PARD3B: variants seen among roughly 807,000 people sequenced by gnomAD.
The protein encoded by PARD3B is partitioning defective 3 homolog B.
In PARD3B, 103 loss-of-function variants were observed where a neutral mutation model predicts 130.2. The ratio of observed to expected loss-of-function variants is 0.79; its 90% CI spans 0.67 to 0.93. The LOEUF is 0.93. Among genes scored for constraint, PARD3B ranks in the 40% least tolerant of loss-of-function variants. The probability of loss-of-function intolerance (pLI) is 0.00; values close to 1 mark genes in which losing one functional copy is unlikely to be tolerated. For missense variants in PARD3B, 1,609 were observed against 1,499.2 expected, an observed-to-expected ratio of 1.07 and a Z score of -1.21; for synonymous variants, 583 against 553.2, an observed-to-expected ratio of 1.05 and a Z score of -0.76.
chr2:205,347,659 C>T (rs1305714155), intron 18 of PARD3B: 2 of 152,074 alleles, frequency 1.3e-5, no homozygotes, highest in African/African-American at 4.8e-5. Context: ...ATTTTTTTGT[C>T]AAATTTAGAA....
At chr2:205,093,916 C>T (rs1039952824) in intron 4 of PARD3B, among the ~76,000 whole-genome samples, 2 of 152,124 alleles carry the variant, frequency 1.3e-5, no homozygotes, top group Non-Finnish European at 1.5e-5. Flanking sequence ...ACAAACAAAC[C>T]TTTTGCTGAC....
intron 21 of PARD3B, among the ~76,000 whole-genome samples, chr2:205,507,641 C>T (rs1362830172): frequency 6.6e-6 from 1 of 152,108 alleles, no homozygotes; most frequent in Non-Finnish European, 1.5e-5. Context: ...AATCAAGGTG[C>T]TGTTAACAGG....
intron 12 of PARD3B, among the ~76,000 whole-genome samples, chr2:205,174,706 G>C (rs188443866): frequency 1.4e-3 from 219 of 152,212 alleles, no homozygotes; most frequent in African/African-American, 3.7e-3. Context: ...ATACCAAAAT[G>C]GTTGCTTGAA....
At position 205,342,840 on chromosome 2, in the gene PARD3B, A is replaced by G. The variant is rs565249824; in HGVS notation, c.2630+41139A>G. Among the ~76,000 whole-genome samples the G allele has an allele frequency of 3.2e-3, 486 of 152,266 alleles. 1 individual carries two copies. Among genetic ancestry groups the G allele is most frequent in the African/African-American group, 0.011 (467 of 41,548 alleles). ...CTCATCACCATGCATCTTTGATTTT[A>G]TAATGTAAGTCAGTGAGAAAACAAG... On this transcript the variant is annotated intron_variant, in intron 18 of 22. Coordinates refer to ENST00000406610, the MANE Select transcript of PARD3B (RefSeq NM_001302769.2).
rs2036444245 is a variant in PARD3B at position 205,192,385 on chromosome 2, T to C, written c.2025-820T>C. ...GCAATTATAATGAGATGAGCCACCATATTTACTTTCCAAACAGATGAGAGT... is the reference window on the plus strand; with the variant it reads ...GCAATTATAATGAGATGAGCCACCACATTTACTTTCCAAACAGATGAGAGT... On this transcript the variant is annotated intron_variant, in intron 14 of 22. Transcript: ENST00000406610. Among the ~76,000 whole-genome samples the C allele has an allele frequency of 1.3e-5, 2 of 152,186 alleles. 1 individual carries two copies. Among genetic ancestry groups the C allele is most frequent in the South Asian group, 4.1e-4 (2 of 4,830 alleles).
intron 2 of PARD3B, among the ~76,000 whole-genome samples, chr2:204,914,160 C>T (rs375587964): frequency 3.3e-5 from 5 of 152,268 alleles, no homozygotes; most frequent in South Asian, 2.1e-4. Flanking sequence ...TCTCCTGATC[C>T]GGGATGGTAC....
At chr2:204,745,616 TG>T (rs1574873904) in intron 2 of PARD3B, among the ~76,000 whole-genome samples, 1 of 152,094 alleles carries the variant, frequency 6.6e-6, no homozygotes, top group East Asian at 1.9e-4. Context: ...TTGGCCAGGC[TG>T]GTCTCAAACT....
chr2:204,718,413 C>T (rs2038836169), intron 2 of PARD3B, among the ~76,000 whole-genome samples: 1 of 152,174 alleles, frequency 6.6e-6, no homozygotes, highest in Non-Finnish European at 1.5e-5. Flanking sequence ...CAGGTACCTT[C>T]TTCACAAGGT....
At chr2:205,056,494 T>G (rs1406040006) in intron 4 of PARD3B, among the ~76,000 whole-genome samples, 2 of 152,022 alleles carry the variant, frequency 1.3e-5, no homozygotes, top group African/African-American at 4.8e-5. Context: ...GATGTCTGAT[T>G]AAATGATCGT....
chr2:205,526,777 C>T (rs1028714718), intron 21 of PARD3B, among the ~76,000 whole-genome samples: 12 of 152,238 alleles, frequency 7.9e-5, no homozygotes, highest in Admixed American at 2.6e-4. Context: ...GTATAGTTAA[C>T]GCTTAAGGTA....
chr2:205,362,608 G>A (rs919935278), intron 18 of PARD3B, among the ~76,000 whole-genome samples: 1 of 152,128 alleles, frequency 6.6e-6, no homozygotes, highest in Non-Finnish European at 1.5e-5. Flanking sequence ...CATAACAAGG[G>A]CCTATAATCT....
chr2:204,656,201 G>A (rs182426481), intron 1 of PARD3B, among the ~76,000 whole-genome samples: 1 of 152,170 alleles, frequency 6.6e-6, no homozygotes, highest in Admixed American at 6.6e-5. Context: ...AAGTGCTGCA[G>A]AGTTGCATGG....
At chr2:205,129,675 T>C (rs1339747110) in intron 10 of PARD3B, among the ~76,000 whole-genome samples, 1 of 152,212 alleles carries the variant, frequency 6.6e-6, no homozygotes, top group African/African-American at 2.4e-5. Context: ...TTCTGCGAGC[T>C]CTGTACCTTC....
chr2:204,622,546 G>A (rs951574278), intron 1 of PARD3B, among the ~76,000 whole-genome samples: 1 of 151,878 alleles, frequency 6.6e-6, no homozygotes, highest in African/African-American at 2.4e-5. Context: ...TTAATCATTG[G>A]AGTATTAGAC....
rs895468277 is a variant in PARD3B, at chr2:205,430,415, A to G, written c.2742-9955A>G. ...TCCAGATGCACTGTCCAATATGATA[A>G]ACGTTAGTCACGTTGAAATTTAATT... On this transcript the variant is annotated intron_variant, in intron 19 of 22. Transcript: ENST00000406610. Among the ~76,000 whole-genome samples the G allele has an allele frequency of 6.6e-5, 10 of 152,192 alleles. No individual in the cohort carries two copies. The South Asian group carries it at 1.7e-3, about 25-fold the overall frequency.
intron 1 of PARD3B, among the ~76,000 whole-genome samples, chr2:204,615,119 T>C (rs181326425): frequency 2.0e-5 from 3 of 152,338 alleles, no homozygotes; most frequent in East Asian, 3.9e-4. Flanking sequence ...TTTTTTAATA[T>C]GTTATTTTTC....
At chr2:204,762,424 C>T (rs1052616506) in intron 2 of PARD3B, among the ~76,000 whole-genome samples, 24 of 151,910 alleles carry the variant, frequency 1.6e-4, no homozygotes, top group Non-Finnish European at 2.8e-4. Context: ...GCGCCCAACC[C>T]GAATGGCAAA....
At chr2:204,604,681 G>T (rs2033643973) in intron 1 of PARD3B, among the ~76,000 whole-genome samples, 1 of 152,184 alleles carries the variant, frequency 6.6e-6, no homozygotes, top group Non-Finnish European at 1.5e-5. Flanking sequence ...AGGGTGAGTG[G>T]AGGGGCTGAG....
At chr2:205,373,811 A>G (rs2044920201) in intron 18 of PARD3B, among the ~76,000 whole-genome samples, 1 of 152,184 alleles carries the variant, frequency 6.6e-6, no homozygotes, top group African/African-American at 2.4e-5. Flanking sequence ...GACCACAGGG[A>G]TGGCTTACCC....
Sources: gnomAD v4.1 joint callset for allele counts (sites outside exome capture counted in the v4.1 genomes callset) on GRCh38, gnomAD v4.1.1 for gene constraint, MANE v1.5 for transcripts, NCBI Gene and HGNC (gene_info 2026-07-23, HGNC 2026-07-21) for gene names.